The following FADS3 variants were observed in gnomAD, a reference collection of about 807,000 sequenced individuals.
FADS3 encodes the protein cytochrome b5-related protein.
A neutral mutation model predicts 60.4 loss-of-function variants in FADS3; 30 were observed. That is an observed-to-expected ratio of 0.50 (90% CI 0.37 to 0.67). FADS3 has a LOEUF of 0.67. Among genes scored for constraint, FADS3 ranks in the 30% least tolerant of loss-of-function variants. The probability of loss-of-function intolerance (pLI) is 0.00; values close to 1 mark genes in which losing one functional copy is unlikely to be tolerated. For missense variants in FADS3, 432 were observed against 598.3 expected (o/e 0.72, Z 2.90); for synonymous variants, 234 against 249.3 (o/e 0.94, Z 0.58).
chr11:61,878,702 C>T (rs1938010255), intron 4 of FADS3, 44 bp downstream of exon 4: 1 of 1,611,714 alleles, frequency 6.2e-7, no homozygotes. Context: ...TTGGGCAGAC[C>T]CAGCGCCACC....
chr11:61,873,935 C>T, intron 11 of FADS3, 70 bp from the exon 12 acceptor site: 3 of 1,014,012 alleles, frequency 3.0e-6, no homozygotes, highest in South Asian at 1.4e-5. Context: ...ACCCCTGTAT[C>T]CCCCATGGTA....
intron 11 of FADS3, among the ~76,000 whole-genome samples, 178 bp downstream of exon 11, chr11:61,875,673 A>G (rs563983090): frequency 1.3e-5 from 2 of 152,168 alleles, no homozygotes; most frequent in East Asian, 3.8e-4. Flanking sequence ...GTGAGTCTGC[A>G]GTAGGTGCTC....
chr11:61,876,149 G>T lies in FADS3; in HGVS notation c.1122C>A (p.Asn374Lys). 6.2e-7 allele frequency: 1 copy of T among 1,609,200 alleles called. No homozygotes were observed. Among genetic ancestry groups the T allele is most frequent in the Non-Finnish European group, 8.5e-7 (1 of 1,178,068 alleles). Residue 374 changes from asparagine (N) to lysine (K), a missense_variant, in exon 10 of 12, where the codon AAC becomes AAA. Physicochemically the swap from Asn to Lys is moderately conservative, Grantham distance 94. This residue lies in a region of FADS3 where 48 missense variants were observed against 101.3 expected (regional missense o/e 0.47). Coordinates refer to ENST00000278829, the MANE Select transcript of FADS3 (RefSeq NM_021727.5). This position sits in a 1 kb window ranked among gnomAD's most constrained non-coding sequence, Gnocchi z 5.7. ...TCNVEPSLFT[N>K]WFSGHLNFQI... ...GGAAGTTGAGGTGCCCGCTGAACCA[G>T]TTGGTGAAAAGTGAGGGCTCCACGT...
intron 1 of FADS3, among the ~76,000 whole-genome samples, chr11:61,887,286 T>G (rs1364586380): frequency 6.6e-6 from 1 of 152,226 alleles, no homozygotes; most frequent in Non-Finnish European, 1.5e-5. Context: ...AGTGTGCCTG[T>G]GTCCACAGCC....
chr11:61,888,259 G>C (rs566256494), intron 1 of FADS3, among the ~76,000 whole-genome samples: 4 of 152,242 alleles, frequency 2.6e-5, no homozygotes, highest in African/African-American at 9.6e-5. Context: ...GCCTGGACTT[G>C]AGAACAGCTG....
At chr11:61,889,410 G>A (rs1000133069) in intron 1 of FADS3, among the ~76,000 whole-genome samples, 19 of 149,560 alleles carry the variant, frequency 1.3e-4, no homozygotes, top group Non-Finnish European at 2.5e-4. Flanking sequence ...CCAGCGCTTT[G>A]GGAGGCCGAG....
chr11:61,884,071 C>T (rs1199015108), intron 1 of FADS3, among the ~76,000 whole-genome samples: 1 of 152,294 alleles, frequency 6.6e-6, no homozygotes, highest in East Asian at 1.9e-4. Flanking sequence ...AAGCAAACAG[C>T]CTTCTCTGGA....
At chr11:61,878,946 C>G in intron 3 of FADS3, 99 bp from the exon 4 acceptor site, 1 of 916,960 alleles carries the variant, frequency 1.1e-6, no homozygotes, top group South Asian at 1.6e-5. Context: ...TACCCCCGTG[C>G]TAATGCTCCA....
intron 2 of FADS3, among the ~76,000 whole-genome samples, chr11:61,879,721 G>A (rs555775448): frequency 1.3e-5 from 2 of 152,314 alleles, no homozygotes; most frequent in East Asian, 1.9e-4. Context: ...TGGGTAAGAC[G>A]CTACAGCCAG....
chr11:61,887,171 G>A (rs1339852053), intron 1 of FADS3, among the ~76,000 whole-genome samples: 1 of 152,252 alleles, frequency 6.6e-6, no homozygotes, highest in Non-Finnish European at 1.5e-5. Flanking sequence ...CTGAGACCCA[G>A]AAGTGAAAGG....
Position 61,876,383 on chromosome 11 carries a change from C to T in FADS3, c.1056G>A (p.Lys352=). The T allele has an allele frequency of 1.2e-6, 2 of 1,613,294 alleles. No homozygotes were observed. The highest frequency in any genetic ancestry group is 1.7e-6 in the Non-Finnish European group (2 of 1,180,020). ...NHIPKEIGHE[K]HRDWVSSQLA... is the part of the protein sequence containing the mutation. ...CCTGAGAGCTGACCCAGTCCCGGTG[C>T]TTCTCGTGGCCGATCTCCTTGGGGA... is the stretch of plus-strand genomic sequence containing the variant. The change falls in exon 9 of 12, where the codon AAG becomes AAA. Residue 352 remains lysine (K), a synonymous_variant. Coordinates refer to ENST00000278829, the MANE Select transcript of FADS3 (RefSeq NM_021727.5). This position sits in a 1 kb window ranked among gnomAD's most constrained non-coding sequence, Gnocchi z 5.7.
intron 11 of FADS3, among the ~76,000 whole-genome samples, chr11:61,874,561 G>A (rs1361863058): frequency 5.3e-5 from 8 of 152,138 alleles, no homozygotes; most frequent in South Asian, 2.1e-4. Context: ...ACTCCTGCCC[G>A]CCAGTCATTC....
At chr11:61,878,940 C>G in intron 3 of FADS3, 93 bp from the exon 4 acceptor site, 2 of 1,001,450 alleles carry the variant, frequency 2.0e-6, no homozygotes, top group Non-Finnish European at 3.0e-6. Flanking sequence ...GCAGGGTACC[C>G]CCGTGCTAAT....
rs762647475 is a variant in FADS3 at position 61,878,286 on chromosome 11, G to A, written c.748-71C>T. The stretch of plus-strand genomic sequence containing the variant: ...CTCCTTCTCCCGGGCAAGGTCACGG[G>A]GCTGGCTGGGGCCAAGGGTCAAAGG... On this transcript the variant is annotated intron_variant, in intron 5 of 11. Transcript: ENST00000278829. The A allele has an allele frequency of 5.3e-6, 8 of 1,521,332 alleles. No individual in the cohort carries two copies. The African/African-American group carries it at 9.6e-5, about 18-fold the overall frequency. The allele number at this position is 1,521,332 out of a possible 1,614,324, so 94.2% of individuals were successfully genotyped here.
At position 61,879,487 on chromosome 11, in the gene FADS3, C is replaced by T. The variant is rs945361268; in HGVS notation, c.347G>A (p.Arg116Gln). Residue 116 changes from arginine (R) to glutamine (Q), a missense_variant, in exon 3 of 12, where the codon CGA (arginine) becomes CAA (glutamine). Arg to Gln is a conservative substitution (Grantham distance 43). Transcript: ENST00000278829. Reference protein sequence around the residue: ...PLNAQLVEDFRALHQAAEDMK... With the variant: ...PLNAQLVEDFQALHQAAEDMK... The stretch of plus-strand genomic sequence containing the variant: ...GTCCTCGGCTGCCTGGTGCAGGGCT[C>T]GGAAGTCCTCGACCAGCTGCGCCTG... The T allele has an allele frequency of 9.4e-6, 15 of 1,589,982 alleles. No individual in the cohort carries two copies. The highest frequency in any genetic ancestry group is 1.1e-5 in the South Asian group (1 of 87,494).
Position 61,879,501 on chromosome 11 carries a change from C to T in FADS3, c.333G>A (p.Leu111=), listed in dbSNP as rs1407775415. The change falls in exon 3 of 12, where the codon CTG becomes CTA. Residue 111 remains leucine, a synonymous_variant. Coordinates refer to ENST00000278829, the MANE Select transcript of FADS3 (RefSeq NM_021727.5). Reference sequence around the variant, plus strand: ...GGTGCAGGGCTCGGAAGTCCTCGACCAGCTGCGCCTGCCATAGCAGAGGGG... The same window carrying T: ...GGTGCAGGGCTCGGAAGTCCTCGACTAGCTGCGCCTGCCATAGCAGAGGGG... ...PSQDGPLNAQ[L]VEDFRALHQA... 9.5e-6 allele frequency: 15 copies of T among 1,578,870 alleles called. No homozygotes were observed. The highest frequency in any genetic ancestry group is 1.2e-5 in the South Asian group (1 of 86,552).
In FADS3 at chr11:61,877,415, G is replaced by A; in HGVS notation, c.885+96C>T. Reference sequence around the variant, plus strand: ...GAGCCACACTGTTGCACGCACATGTGCACCCTGTTTGCCTTCATGGGCAGG... The same window carrying A: ...GAGCCACACTGTTGCACGCACATGTACACCCTGTTTGCCTTCATGGGCAGG... On this transcript the variant is annotated intron_variant, in intron 7 of 11. Transcript: ENST00000278829. This position sits in a 1 kb window ranked among gnomAD's most constrained non-coding sequence, Gnocchi z 4.7. The A allele has an allele frequency of 5.3e-6, 6 of 1,142,540 alleles. No homozygotes were observed. The highest frequency in any genetic ancestry group is 4.9e-4 in the Middle Eastern group (2 of 4,074). The allele number at this position is 1,142,540 out of a possible 1,614,324, so 70.8% of individuals were successfully genotyped here. A position where few individuals can be genotyped will look rare whatever the true frequency, so the allele number is the denominator to read the frequency against.
rs572267567 is a variant in FADS3 at position 61,877,961 on chromosome 11, C to T, written c.808+194G>A. 40 of 625,940 alleles carry T rather than the reference C, an allele frequency of 6.4e-5. No homozygotes were observed. Among genetic ancestry groups the T allele is most frequent in the African/African-American group, 3.6e-5 (2 of 54,932 alleles). 38.8% of individuals were successfully genotyped at this position (625,940 alleles called of 1,614,324 possible). A position where few individuals can be genotyped will look rare whatever the true frequency, so the allele number is the denominator to read the frequency against. On this transcript the variant is annotated intron_variant, in intron 6 of 11. Coordinates refer to ENST00000278829, the MANE Select transcript of FADS3 (RefSeq NM_021727.5). This position sits in a 1 kb window ranked among gnomAD's most constrained non-coding sequence, Gnocchi z 4.7. ...CCGTGGCTGCAAGGTGTCCCAGGCA[C>T]GGGAGACAGCTGGGGCAAAGGCATG...
At chr11:61,890,987 G>A (rs994386838) in intron 1 of FADS3, among the ~76,000 whole-genome samples, 182 bp downstream of exon 1, 3 of 152,162 alleles carry the variant, frequency 2.0e-5, no homozygotes, top group Non-Finnish European at 4.4e-5. Context: ...GCAGGGAACT[G>A]CCCTCCCTAC....
Sources: allele counts gnomAD v4.1 joint callset (sites outside exome capture counted in the v4.1 genomes callset), GRCh38; gene constraint gnomAD v4.1.1; regional missense constraint gnomAD v4.1.1; non-coding constraint Gnocchi (gnomAD v3.1); transcripts MANE v1.5; gene names NCBI Gene and HGNC (gene_info 2026-07-23, HGNC 2026-07-21).